CLRN1: variants seen among roughly 807,000 people sequenced by gnomAD.
CLRN1 encodes clarin-1.
A neutral mutation model predicts 18.7 loss-of-function variants in CLRN1; 15 were observed. The observed-to-expected ratio is 0.80, with a 90% CI of 0.54 to 1.23. The LOEUF is 1.23. CLRN1 is among the 50% of genes most tolerant of loss of function. The probability of loss-of-function intolerance (pLI) is 0.00; values close to 1 mark genes in which losing one functional copy is unlikely to be tolerated. For synonymous variants in CLRN1, 104 were observed against 102.9 expected, an observed-to-expected ratio of 1.01 and a Z score of -0.07; for missense variants, 311 against 277.5, an observed-to-expected ratio of 1.12 and a Z score of -0.86.
At chr3:150,951,081 G>A (rs192720747) in intron 1 of CLRN1, among the ~76,000 whole-genome samples, 37 of 152,258 alleles carry the variant, frequency 2.4e-4, no homozygotes, top group African/African-American at 7.5e-4. Flanking sequence ...TTATACGTGG[G>A]AGCTACATGA....
downstream of CLRN1, chr3:150,926,547 C>G (rs1281588880): frequency 3.7e-6 from 2 of 540,186 alleles, no homozygotes; most frequent in Non-Finnish European, 6.7e-6. Flanking sequence ...GGTGTATTTC[C>G]TGATTTAAGG....
rs545146090 is a variant in CLRN1 at position 150,927,445 on chromosome 3, A to T, written c.*491T>A. ...TGGCCTAAGAGTATACTTTAAACAA[A>T]TTTTTTAAAATGTGTGTTGATACAT... On this transcript the variant is annotated 3_prime_UTR_variant, in exon 3 of 3. Transcript: ENST00000327047. 3 of 452,204 alleles carry T rather than the reference A, an allele frequency of 6.6e-6. No homozygotes were observed. The highest frequency in any genetic ancestry group is 2.4e-5 in the Admixed American group (1 of 42,512). 28.0% of individuals were successfully genotyped at this position (452,204 alleles called of 1,614,324 possible). A position where few individuals can be genotyped will look rare whatever the true frequency, so the allele number is the denominator to read the frequency against.
At chr3:150,968,896 T>C (rs80108448) in intron 1 of CLRN1, among the ~76,000 whole-genome samples, 9,518 of 152,106 alleles carry the variant, frequency 0.063, 515 homozygotes, top group East Asian at 0.15. Flanking sequence ...GTGTCTACCA[T>C]ACTTAGGGAC....
intron 1 of CLRN1, among the ~76,000 whole-genome samples, chr3:150,970,151 C>T (rs1715463187): frequency 6.6e-6 from 1 of 152,052 alleles, no homozygotes; most frequent in Non-Finnish European, 1.5e-5. Context: ...GCTTTTTGCT[C>T]CAAGGAAGCC....
chr3:150,959,304 A>T (rs1714908537), intron 1 of CLRN1, among the ~76,000 whole-genome samples: 1 of 152,082 alleles, frequency 6.6e-6, no homozygotes, highest in Non-Finnish European at 1.5e-5. Flanking sequence ...ACTTACAAAT[A>T]ATTTGTCTCA....
intron 1 of CLRN1, among the ~76,000 whole-genome samples, chr3:150,952,350 C>G (rs989090381): frequency 3.3e-5 from 5 of 152,136 alleles, no homozygotes; most frequent in Admixed American, 3.3e-4. Flanking sequence ...ATCACAAGGG[C>G]CAGCAACCGA....
chr3:150,947,297 A>G (rs1346867703), intron 1 of CLRN1, among the ~76,000 whole-genome samples: 1 of 152,200 alleles, frequency 6.6e-6, no homozygotes, highest in Non-Finnish European at 1.5e-5. Flanking sequence ...AACAAAGAAA[A>G]AAAAAGACAA....
At chr3:150,956,114 G>C (rs1021584358) in intron 1 of CLRN1, among the ~76,000 whole-genome samples, 1 of 152,052 alleles carries the variant, frequency 6.6e-6, no homozygotes, top group Non-Finnish European at 1.5e-5. Flanking sequence ...CTGTTAGTTC[G>C]TCTTCTATTG....
At chr3:150,944,649 G>A (rs893721125) in intron 1 of CLRN1, among the ~76,000 whole-genome samples, 2 of 151,912 alleles carry the variant, frequency 1.3e-5, no homozygotes, top group African/African-American at 4.8e-5. Context: ...CACGAGGTCA[G>A]AAGACTGAGG....
intron 1 of CLRN1, chr3:150,945,704 A>G (rs750969741): frequency 1.7e-6 from 2 of 1,204,254 alleles, no homozygotes; most frequent in African/African-American, 1.6e-5. Flanking sequence ...AAAAATGCAC[A>G]TTAAAACTTT....
At chr3:150,964,910 G>T (rs969059298) in intron 1 of CLRN1, among the ~76,000 whole-genome samples, 8 of 152,010 alleles carry the variant, frequency 5.3e-5, no homozygotes, top group Non-Finnish European at 1.0e-4. Flanking sequence ...GTGGGTGGGG[G>T]ACTAGGGGAG....
At chr3:150,949,441 T>G (rs539188432) in intron 1 of CLRN1, among the ~76,000 whole-genome samples, 1 of 152,112 alleles carries the variant, frequency 6.6e-6, no homozygotes, top group Non-Finnish European at 1.5e-5. Flanking sequence ...GAGAACATGA[T>G]TCTATATCTA....
At chr3:150,934,506 G>T (rs915740981) in intron 2 of CLRN1, among the ~76,000 whole-genome samples, 1 of 152,096 alleles carries the variant, frequency 6.6e-6, no homozygotes, top group Non-Finnish European at 1.5e-5. Flanking sequence ...CCACATTTTG[G>T]TGGTTTTTAT....
chr3:150,942,510 C>A, intron 1 of CLRN1: 1 of 397,852 alleles, frequency 2.5e-6, no homozygotes, highest in South Asian at 1.9e-5. Flanking sequence ...ATTTTAGTTC[C>A]CCAAACATGT....
At chr3:150,958,674 C>G (rs923686543) in intron 1 of CLRN1, among the ~76,000 whole-genome samples, 2 of 152,248 alleles carry the variant, frequency 1.3e-5, no homozygotes, top group Non-Finnish European at 2.9e-5. Context: ...GAACTTCCCT[C>G]TGATTTTCCT....
At chr3:150,931,056 C>T (rs375053377) in intron 2 of CLRN1, among the ~76,000 whole-genome samples, 7 of 152,178 alleles carry the variant, frequency 4.6e-5, no homozygotes, top group African/African-American at 1.7e-4. Context: ...GATAGAAACC[C>T]AGCCTGAGTC....
intron 2 of CLRN1, among the ~76,000 whole-genome samples, chr3:150,935,957 C>G (rs1713459978): frequency 6.6e-6 from 1 of 151,638 alleles, no homozygotes; most frequent in Admixed American, 6.6e-5. Flanking sequence ...TGAGAAGTGT[C>G]TGTTCATGTC....
intron 2 of CLRN1, among the ~76,000 whole-genome samples, chr3:150,939,973 T>C (rs1713717427): frequency 6.6e-6 from 1 of 152,226 alleles, no homozygotes; most frequent in Non-Finnish European, 1.5e-5. Flanking sequence ...GTCCTATTGC[T>C]TCAAAGCGCC....
upstream of CLRN1, chr3:150,972,984 C>A (rs1270950033): frequency 5.6e-6 from 3 of 539,760 alleles, no homozygotes; most frequent in Non-Finnish European, 1.0e-5. Flanking sequence ...TTTCAAACTG[C>A]CTTCAAGTAT....
Sources: allele counts gnomAD v4.1 joint callset (sites outside exome capture counted in the v4.1 genomes callset), GRCh38; gene constraint gnomAD v4.1.1; transcripts MANE v1.5; gene names NCBI Gene and HGNC (gene_info 2026-07-23, HGNC 2026-07-21).